Variants in ZFHX3 observed in about 807,000 individuals in gnomAD.
The protein encoded by ZFHX3 is zinc finger homeobox protein 3.
Under a neutral mutation model 279.1 loss-of-function variants are expected in ZFHX3, and 42 were observed. The ratio of observed to expected loss-of-function variants is 0.15; its 90% CI spans 0.12 to 0.19. The LOEUF (loss-of-function observed/expected upper bound fraction) is 0.19. Ranked by LOEUF, ZFHX3 falls within the 10% of genes least tolerant of loss-of-function variation. The pLI is 1.00. For missense variants in ZFHX3, 4,981 were observed against 4,754.0 expected, an observed-to-expected ratio of 1.05 and a Z score of -1.40; for synonymous variants, 2,293 against 1,957.8, an observed-to-expected ratio of 1.17 and a Z score of -4.52.
In ZFHX3 at chr16:73,403,776, G is replaced by A. The variant is rs146147043; in HGVS notation, c.-1291+52227C>T. ...GGGACAGTGAGCAGTGTTTGTCTCC[G>A]GATTGTGAGGCCTGTCAACCCCTGG... On this transcript the variant is annotated intron_variant, in intron 3 of 17. Transcript: ENST00000641206. 8.6e-4 allele frequency among the ~76,000 whole-genome samples: 131 copies of A among 152,270 alleles called. 1 individual carries two copies. The highest frequency in any genetic ancestry group is 1.6e-3 in the Non-Finnish European group (112 of 68,026).
At chr16:73,858,260 A>G (rs1032827359) in intron 1 of ZFHX3, among the ~76,000 whole-genome samples, 1 of 152,190 alleles carries the variant, frequency 6.6e-6, no homozygotes, top group Non-Finnish European at 1.5e-5. Context: ...ATATTACAAG[A>G]CTGAGAATCA....
At chr16:73,749,780 C>T (rs370740300) in intron 1 of ZFHX3, among the ~76,000 whole-genome samples, 5 of 152,296 alleles carry the variant, frequency 3.3e-5, no homozygotes, top group African/African-American at 1.2e-4. Flanking sequence ...GAGCTGAAAG[C>T]ATGAATACAA....
chr16:72,986,189 G>A (rs2144555660), intron 1 of ZFHX3, among the ~76,000 whole-genome samples: 1 of 152,176 alleles, frequency 6.6e-6, no homozygotes, highest in East Asian at 1.9e-4. Context: ...AGAACAGACT[G>A]TCCTTCTCCA....
At chr16:73,754,325 T>G (rs1395003540) in intron 1 of ZFHX3, among the ~76,000 whole-genome samples, 1 of 152,150 alleles carries the variant, frequency 6.6e-6, no homozygotes, top group Non-Finnish European at 1.5e-5. Context: ...TTTTTCATTT[T>G]AAAGGCAAAG....
At chr16:73,226,886 A>T (rs2012610869) in intron 5 of ZFHX3, among the ~76,000 whole-genome samples, 1 of 152,248 alleles carries the variant, frequency 6.6e-6, no homozygotes, top group Non-Finnish European at 1.5e-5. Flanking sequence ...GGCTTGGCCA[A>T]TGAAGTATTT....
chr16:72,862,191 C>A (rs913162645), intron 4 of ZFHX3, among the ~76,000 whole-genome samples: 2 of 152,178 alleles, frequency 1.3e-5, no homozygotes, highest in East Asian at 3.9e-4. Context: ...TCCCATAGCA[C>A]TGAAACCCCA....
chr16:73,768,630 T>C (rs2053981303), intron 1 of ZFHX3, among the ~76,000 whole-genome samples: 2 of 152,232 alleles, frequency 1.3e-5, no homozygotes, highest in African/African-American at 4.8e-5. Context: ...TCTGTATTAA[T>C]ACATTCCTGT....
intron 6 of ZFHX3, among the ~76,000 whole-genome samples, chr16:73,139,953 A>G (rs1966842589): frequency 6.6e-6 from 1 of 151,970 alleles, no homozygotes; most frequent in African/African-American, 2.4e-5. Context: ...TCTTCCACAA[A>G]CCCCTAGTGC....
chr16:73,681,999 G>A (rs938221447), intron 1 of ZFHX3, among the ~76,000 whole-genome samples: 7 of 151,910 alleles, frequency 4.6e-5, no homozygotes, highest in Admixed American at 6.5e-5. Context: ...GTGAGCTCAC[G>A]TACATAAAGC....
At chr16:73,864,701 C>A (rs1199000513) in intron 1 of ZFHX3, among the ~76,000 whole-genome samples, 1 of 152,112 alleles carries the variant, frequency 6.6e-6, no homozygotes, top group Non-Finnish European at 1.5e-5. Flanking sequence ...ACCCAGACAA[C>A]AGAGCAAGAC....
intron 5 of ZFHX3, among the ~76,000 whole-genome samples, chr16:73,158,694 G>T (rs1567405606): frequency 1.3e-5 from 2 of 152,204 alleles, no homozygotes; most frequent in African/African-American, 4.8e-5. Context: ...CAGAGCTACA[G>T]TAGCCAAAAC....
intron 1 of ZFHX3, among the ~76,000 whole-genome samples, chr16:73,726,310 A>G (rs563974133): frequency 1.3e-5 from 2 of 152,184 alleles, no homozygotes; most frequent in Non-Finnish European, 2.9e-5. Context: ...TAAGCATGGC[A>G]CCCAGAGGAC....
At chr16:73,161,942 A>G (rs1967245670) in intron 5 of ZFHX3, among the ~76,000 whole-genome samples, 1 of 152,210 alleles carries the variant, frequency 6.6e-6, no homozygotes, top group African/African-American at 2.4e-5. Flanking sequence ...GAAAGGTATC[A>G]TTTGAGATAA....
chr16:73,656,713 A>G (rs2052724369), intron 2 of ZFHX3, among the ~76,000 whole-genome samples: 1 of 152,224 alleles, frequency 6.6e-6, no homozygotes, highest in Non-Finnish European at 1.5e-5. Context: ...TTTAAAGCAA[A>G]CTGTAAAGTA....
intron 9 of ZFHX3, 27 bp from the exon 10 acceptor site, chr16:72,788,875 C>T (rs374079349): frequency 2.0e-5 from 31 of 1,513,840 alleles, no homozygotes; most frequent in Admixed American, 4.6e-5. Flanking sequence ...CAGAAATCAC[C>T]GGTCAGTCTG....
intron 1 of ZFHX3, among the ~76,000 whole-genome samples, chr16:72,976,961 G>C (rs760994936): frequency 1.3e-5 from 2 of 152,126 alleles, no homozygotes; most frequent in Non-Finnish European, 2.9e-5. Flanking sequence ...GGCATTTTAG[G>C]GATATTTTAG....
At chr16:73,574,352 C>CA (rs2051776293) in intron 2 of ZFHX3, among the ~76,000 whole-genome samples, 1 of 152,178 alleles carries the variant, frequency 6.6e-6, no homozygotes, top group South Asian at 2.1e-4. Context: ...TGGGCCCCCC[C>CA]CAGCATCCAC....
At chr16:73,707,114 A>G (rs2053312364) in intron 1 of ZFHX3, among the ~76,000 whole-genome samples, 1 of 152,208 alleles carries the variant, frequency 6.6e-6, no homozygotes, top group South Asian at 2.1e-4. Flanking sequence ...TTAAATATTT[A>G]ATTCAACTTA....
chr16:72,938,191 A>G (rs8055870), intron 3 of ZFHX3, among the ~76,000 whole-genome samples: 98,973 of 152,278 alleles, frequency 0.65, 33,808 homozygotes, highest in African/African-American at 0.85. Context: ...AACCAGGGAT[A>G]TGTCACTAGA....
Sources: allele counts gnomAD v4.1 joint callset (sites outside exome capture counted in the v4.1 genomes callset), GRCh38; gene constraint gnomAD v4.1.1; transcripts MANE v1.5; gene names NCBI Gene and HGNC (gene_info 2026-07-23, HGNC 2026-07-21).